Variants in MOV10L1 observed in about 807,000 individuals in gnomAD.
The protein encoded by MOV10L1 is RNA helicase Mov10l1.
In MOV10L1, 110 loss-of-function variants were observed where a neutral mutation model predicts 143.8. The observed-to-expected ratio is 0.76, with a 90% confidence interval of 0.66 to 0.90. The LOEUF (loss-of-function observed/expected upper bound fraction) is 0.90. Ranked by LOEUF, MOV10L1 falls within the 40% of genes least tolerant of loss-of-function variation. The pLI, the probability that MOV10L1 is intolerant of heterozygous loss-of-function variation, is 0.00. For synonymous variants in MOV10L1, 593 were observed against 581.1 expected (o/e 1.02, Z -0.29); for missense variants, 1,406 against 1,526.8 (o/e 0.92, Z 1.32).
At position 50,125,322 on chromosome 22, in the gene MOV10L1, C is replaced by T. The variant is rs1471620383; in HGVS notation, c.1570-70C>T. 12 of 1,488,606 alleles carry T rather than the reference C, an allele frequency of 8.1e-6. No homozygotes were observed. The African/African-American group carries it at 1.5e-4, about 19-fold the overall frequency. The allele number at this position is 1,488,606 out of a possible 1,614,324, so 92.2% of individuals were successfully genotyped here. On this transcript the variant is annotated intron_variant, in intron 10 of 26. Coordinates refer to ENST00000262794, the MANE Select transcript of MOV10L1 (RefSeq NM_018995.3). ...AACTGGAGCTGTTGGAACTTTCCTG[C>T]TCCGGAGCTGCTACTTTCCAGAGTG...
intron 15 of MOV10L1, among the ~76,000 whole-genome samples, chr22:50,137,837 T>C (rs954269422): frequency 9.9e-6 from 1 of 100,796 alleles, no homozygotes; most frequent in Admixed American, 1.3e-4. Context: ...ATATTTTATA[T>C]ATACATATAT....
intron 5 of MOV10L1, among the ~76,000 whole-genome samples, chr22:50,110,525 T>C (rs1163151984): frequency 6.6e-6 from 1 of 152,140 alleles, no homozygotes; most frequent in African/African-American, 2.4e-5. Context: ...TAGGGGTCGC[T>C]CTTCATCCTT....
chr22:50,123,575 G>T (rs994096765), intron 10 of MOV10L1, among the ~76,000 whole-genome samples: 1 of 152,194 alleles, frequency 6.6e-6, no homozygotes, highest in Non-Finnish European at 1.5e-5. Context: ...GTATCGTGTT[G>T]AGGATTTTTT....
At chr22:50,098,153 A>G (rs2062636826) in intron 2 of MOV10L1, among the ~76,000 whole-genome samples, 1 of 147,320 alleles carries the variant, frequency 6.8e-6, no homozygotes, top group African/African-American at 2.5e-5. Context: ...TGTGTAATAG[A>G]TCACTTTGGG....
Position 50,158,016 on chromosome 22 carries a change from A to G in MOV10L1, c.3067-41A>G. On this transcript the variant is annotated intron_variant, in intron 22 of 26. Transcript: ENST00000262794. This position sits in a 1 kb window ranked among gnomAD's most constrained non-coding sequence, Gnocchi z 5.0. ...CCTGGATTGTAGCCTTCTGGTGAAT[A>G]TTCATGAAGTAAAGTAGGTTTTCTC... The G allele has an allele frequency of 6.3e-7, 1 of 1,586,068 alleles. No homozygotes were observed. The highest frequency in any genetic ancestry group is 8.6e-7 in the Non-Finnish European group (1 of 1,163,430).
At chr22:50,132,660 A>G (rs2062709987) in intron 13 of MOV10L1, among the ~76,000 whole-genome samples, 1 of 152,220 alleles carries the variant, frequency 6.6e-6, no homozygotes, top group Non-Finnish European at 1.5e-5. Flanking sequence ...TGTATCCTGC[A>G]AGTCTCCTAA....
Position 50,160,977 on chromosome 22 carries a change from G to A in MOV10L1, c.3476G>A (p.Gly1159Asp). ...TATTGCCAACAGGACCCCTGTTTTG[G>A]TGCTTTGCTGGAATACAGTATTACA... ...PHVLVRDPCF[G>D]ALLEYSITNG... Residue 1159 changes from glycine to aspartate, a missense_variant, in exon 26 of 27, where the codon GGT (glycine) becomes GAT (aspartate). Physicochemically the swap from Gly to Asp is moderately conservative, Grantham distance 94. Around this residue, in one of 3 missense-constraint regions of MOV10L1, gnomAD observed 1,233 missense variants for 1,351.4 expected, o/e 0.91. Transcript: ENST00000262794. 1 of 1,614,160 alleles carries A rather than the reference G, an allele frequency of 6.2e-7. No individual in the cohort carries two copies. Among genetic ancestry groups the A allele is most frequent in the Non-Finnish European group, 8.5e-7 (1 of 1,180,008 alleles).
chr22:50,115,310 T>G (rs2147152812), intron 8 of MOV10L1, 64 bp downstream of exon 8: 1 of 1,426,404 alleles, frequency 7.0e-7, no homozygotes, highest in East Asian at 2.7e-5. Flanking sequence ...CTAGGTTGGG[T>G]GTTATAAAAG....
At chr22:50,115,806 G>A (rs867760628) in intron 8 of MOV10L1, among the ~76,000 whole-genome samples, 1 of 152,144 alleles carries the variant, frequency 6.6e-6, no homozygotes, top group African/African-American at 2.4e-5. Flanking sequence ...TCACTGCCTT[G>A]CCCGTGTTCC....
At chr22:50,156,119 C>CT (rs35419031) in intron 22 of MOV10L1, among the ~76,000 whole-genome samples, 133 of 141,732 alleles carry the variant, frequency 9.4e-4, no homozygotes, top group Middle Eastern at 3.6e-3. Flanking sequence ...ATGTTAAAAA[C>CT]TTTTTTTTTT....
chr22:50,091,818 C>A (rs2062451634), intron 1 of MOV10L1, among the ~76,000 whole-genome samples, 183 bp from the exon 2 acceptor site: 1 of 152,172 alleles, frequency 6.6e-6, no homozygotes, highest in South Asian at 2.1e-4. Context: ...GCCTCCAAAC[C>A]CCACGTTCCA....
chr22:50,157,301 T>C (rs142340229), intron 22 of MOV10L1, among the ~76,000 whole-genome samples: 1 of 152,356 alleles, frequency 6.6e-6, no homozygotes, highest in East Asian at 1.9e-4. Flanking sequence ...TTTCACGTTG[T>C]TGATTGCGTC....
intron 3 of MOV10L1, among the ~76,000 whole-genome samples, chr22:50,103,175 A>T (rs930205627): frequency 1.3e-5 from 2 of 152,208 alleles, no homozygotes; most frequent in Admixed American, 6.5e-5. Context: ...GTAGCGTGGG[A>T]GGGAGCAAAT....
intron 15 of MOV10L1, among the ~76,000 whole-genome samples, chr22:50,140,264 G>A: frequency 6.6e-6 from 1 of 152,228 alleles, no homozygotes; most frequent in African/African-American, 2.4e-5. Flanking sequence ...TGCCACTGGA[G>A]GGGCTGCGGC....
chr22:50,091,946 T>C (rs1030067431), intron 1 of MOV10L1, 55 bp from the exon 2 acceptor site: 8 of 1,547,108 alleles, frequency 5.2e-6, no homozygotes, highest in Middle Eastern at 3.4e-4. Context: ...TGGGGTTCAC[T>C]GTAGCGTACG....
At chr22:50,127,075 G>A (rs568620431) in intron 12 of MOV10L1, among the ~76,000 whole-genome samples, 30 of 152,232 alleles carry the variant, frequency 2.0e-4, no homozygotes, top group African/African-American at 4.1e-4. Context: ...TGTGAGACAC[G>A]AGTGACATGA....
chr22:50,108,687 G>A lies in MOV10L1; in HGVS notation c.586G>A (p.Gly196Arg), dbSNP rs1035449160. The A allele has an allele frequency of 1.2e-6, 2 of 1,614,174 alleles. No homozygotes were observed. The highest frequency in any genetic ancestry group is 1.7e-6 in the Non-Finnish European group (2 of 1,180,028). ...VCISSLCGRNGVLEESIFFTL... is the reference protein window; with the variant it reads ...VCISSLCGRNRVLEESIFFTL... ...CATCTCTAGCCTCTGTGGAAGGAAC[G>A]GGGTGTTAGAGGAAAGCATCTTCTT... Residue 196 changes from glycine (G) to arginine (R), a missense_variant, in exon 5 of 27, where the codon GGG (glycine) becomes AGG (arginine). Physicochemically the swap from Gly to Arg is moderately radical, Grantham distance 125. Coordinates refer to ENST00000262794, the MANE Select transcript of MOV10L1 (RefSeq NM_018995.3).
In MOV10L1 at chr22:50,108,783, G is replaced by T. The variant is rs781237062; in HGVS notation, c.682G>T (p.Val228Leu). ...AGGTGACGTGGTCAATGCAGTGGTG[G>T]TGGAGAGCAGCCAGTCATGCTATGT... Reference protein sequence around the residue: ...RRGDVVNAVVVESSQSCYVWR... With the variant: ...RRGDVVNAVVLESSQSCYVWR... The change falls in exon 5 of 27, where the codon GTG becomes TTG. Residue 228 changes from valine (V) to leucine (L), a missense_variant. Coordinates refer to ENST00000262794, the MANE Select transcript of MOV10L1 (RefSeq NM_018995.3). 2.7e-5 allele frequency: 43 copies of T among 1,614,220 alleles called. No homozygotes were observed. Among genetic ancestry groups the T allele is most frequent in the Non-Finnish European group, 3.5e-5 (41 of 1,180,044 alleles).
At chr22:50,131,115 A>G (rs138781767) in intron 13 of MOV10L1, among the ~76,000 whole-genome samples, 10 of 135,320 alleles carry the variant, frequency 7.4e-5, no homozygotes, top group South Asian at 4.7e-4. Flanking sequence ...TCACTGTGTT[A>G]GCCAGAATGG....
Sources: gnomAD v4.1 joint callset for allele counts (sites outside exome capture counted in the v4.1 genomes callset) on GRCh38, gnomAD v4.1.1 for gene constraint, gnomAD v4.1.1 regional missense constraint, Gnocchi (gnomAD v3.1) non-coding constraint, MANE v1.5 for transcripts, NCBI Gene and HGNC (gene_info 2026-07-23, HGNC 2026-07-21) for gene names.